The following RASA3 variants were observed in gnomAD, a reference collection of about 807,000 sequenced individuals.
RASA3 encodes the protein ras GTPase-activating protein 3.
Under a neutral mutation model 110.0 loss-of-function variants are expected in RASA3, and 73 were observed. The observed-to-expected ratio is 0.66, with a 90% confidence interval of 0.55 to 0.81. The LOEUF (loss-of-function observed/expected upper bound fraction) is 0.81, where lower values mean the gene tolerates loss of function less well. Ranked by LOEUF, RASA3 falls within the 30% of genes least tolerant of loss-of-function variation. The probability of loss-of-function intolerance (pLI) is 0.00; values close to 1 mark genes in which losing one functional copy is unlikely to be tolerated. For missense variants in RASA3, 976 were observed against 1,113.2 expected, an observed-to-expected ratio of 0.88 and a Z score of 1.75; for synonymous variants, 500 against 451.4, an observed-to-expected ratio of 1.11 and a Z score of -1.37.
chr13:114,036,306 G>GC (rs1765173059), intron 4 of RASA3: 1 of 152,308 alleles, frequency 6.6e-6, no homozygotes, highest in South Asian at 2.1e-4. Context: ...CCAGAAGGAA[G>GC]CAAGAAAGGT....
chr13:114,030,266 C>A (rs1037507580), intron 4 of RASA3, among the ~76,000 whole-genome samples: 4 of 152,248 alleles, frequency 2.6e-5, no homozygotes, highest in African/African-American at 9.6e-5. Context: ...AGGGGAAGCA[C>A]AGCTGTCTCC....
rs558820416 is a variant in RASA3, at chr13:114,030,503, G to A, written c.373-616C>T. 2.6e-3 allele frequency among the ~76,000 whole-genome samples: 281 copies of A among 107,076 alleles called. 11 individuals carry two copies. Among genetic ancestry groups the A allele is most frequent in the African/African-American group, 8.6e-3 (263 of 30,456 alleles). 70.2% of individuals were successfully genotyped at this position (107,076 alleles called of 152,430 possible). A position where few individuals can be genotyped will look rare whatever the true frequency, so the allele number is the denominator to read the frequency against. On this transcript the variant is annotated intron_variant, in intron 4 of 23. Coordinates refer to ENST00000334062, the MANE Select transcript of RASA3 (RefSeq NM_007368.4). ...ACAGAGGGCAAGACTCACACAGAGG[G>A]CAAGACTCACACAGAGAGCAAGACT...
At chr13:114,055,790 C>CTG (rs1362563129) in intron 2 of RASA3, among the ~76,000 whole-genome samples, 41 of 151,846 alleles carry the variant, frequency 2.7e-4, no homozygotes, top group Admixed American at 6.6e-4. Context: ...TCACTTCCTG[C>CTG]TCCAGAGTGG....
At chr13:114,117,052 T>C (rs1479823533) in intron 1 of RASA3, among the ~76,000 whole-genome samples, 1 of 115,200 alleles carries the variant, frequency 8.7e-6, no homozygotes, top group African/African-American at 3.6e-5. Context: ...TGCACGTGTG[T>C]GAGGGGTGCA....
Position 114,057,084 on chromosome 13 carries a change from G to C in RASA3, c.174-4929C>G, listed in dbSNP as rs956757510. The C allele has an allele frequency of 5.1e-6, 3 of 584,336 alleles. No individual in the cohort carries two copies. Among genetic ancestry groups the C allele is most frequent in the Non-Finnish European group, 6.5e-6 (3 of 463,960 alleles). 36.2% of individuals were successfully genotyped at this position (584,336 alleles called of 1,614,324 possible). A position where few individuals can be genotyped will look rare whatever the true frequency, so the allele number is the denominator to read the frequency against. ...TTACACATTTGCAGCTGAGAACCCT[G>C]GAGCCAGAACAGGCTCCAGCACAGG... On this transcript the variant is annotated intron_variant, in intron 2 of 23. Transcript: ENST00000334062. This position sits in a 1 kb window ranked among gnomAD's most constrained non-coding sequence, Gnocchi z 5.0.
intron 1 of RASA3, among the ~76,000 whole-genome samples, chr13:114,076,138 G>A (rs561409871): frequency 6.6e-6 from 1 of 152,296 alleles, no homozygotes; most frequent in South Asian, 2.1e-4. Flanking sequence ...TACCTCTCTG[G>A]GCCTCAAAGT....
At chr13:114,111,122 GAGTT>G (rs2080214295) in intron 1 of RASA3, among the ~76,000 whole-genome samples, 1 of 105,366 alleles carries the variant, frequency 9.5e-6, no homozygotes, top group Non-Finnish European at 2.0e-5. Flanking sequence ...GCTGCAGGCC[GAGTT>G]CTAACGGGCT....
rs563102723 is a variant in RASA3, at chr13:114,011,729, C to T, written c.1513-481G>A. 6.6e-6 allele frequency among the ~76,000 whole-genome samples: 1 copy of T among 152,142 alleles called. No homozygotes were observed. The highest frequency in any genetic ancestry group is 2.4e-5 in the African/African-American group (1 of 41,494). ...CTTGAGGTCAGGAGTTCGAGACCAGCCTGGCCAACATGGTAAAACCCCATC... is the reference window on the plus strand; with the variant it reads ...CTTGAGGTCAGGAGTTCGAGACCAGTCTGGCCAACATGGTAAAACCCCATC... On this transcript the variant is annotated intron_variant, in intron 15 of 23. Coordinates refer to ENST00000334062, the MANE Select transcript of RASA3 (RefSeq NM_007368.4). This position sits in a 1 kb window ranked among gnomAD's most constrained non-coding sequence, Gnocchi z 4.8.
At chr13:114,062,235 A>G (rs940600110) in intron 2 of RASA3, among the ~76,000 whole-genome samples, 1 of 152,156 alleles carries the variant, frequency 6.6e-6, no homozygotes, top group Non-Finnish European at 1.5e-5. Flanking sequence ...GCTTTAAAAA[A>G]AACACATGCA....
At chr13:114,025,790 C>G (rs575605654) in intron 7 of RASA3, among the ~76,000 whole-genome samples, 1 of 152,346 alleles carries the variant, frequency 6.6e-6, no homozygotes, top group Non-Finnish European at 1.5e-5. Flanking sequence ...AGAAACGGAA[C>G]ATCTGTTTTC....
At chr13:114,077,135 C>A (rs2079697735) in intron 1 of RASA3, among the ~76,000 whole-genome samples, 1 of 152,192 alleles carries the variant, frequency 6.6e-6, no homozygotes, top group African/African-American at 2.4e-5. Context: ...TCCCACAGGG[C>A]CTCAAATCAC....
At position 114,132,582 on chromosome 13, in the gene RASA3, C is replaced by G. The variant is rs369817050; in HGVS notation, c.-93G>C. 58 of 1,098,098 alleles carry G rather than the reference C, an allele frequency of 5.3e-5. No homozygotes were observed. In the South Asian group the frequency reaches 1.8e-3, roughly 34 times the overall value. The allele number at this position is 1,098,098 out of a possible 1,614,324, so 68.0% of individuals were successfully genotyped here. A position where few individuals can be genotyped will look rare whatever the true frequency, so the allele number is the denominator to read the frequency against. The stretch of plus-strand genomic sequence containing the variant: ...AGGAGGAGCGGCGGCGCCGGAGCCC[C>G]GAGCGCGGCCGAGGGTCCGCCCGCC... On this transcript the variant is annotated 5_prime_UTR_variant, in exon 1 of 24. Coordinates refer to ENST00000334062, the MANE Select transcript of RASA3 (RefSeq NM_007368.4).
chr13:114,017,317 C>G lies in RASA3; in HGVS notation c.1126G>C (p.Ala376Pro), dbSNP rs1478691379. Residue 376 changes from alanine (A) to proline (P), a missense_variant, in exon 12 of 24, where the codon GCG (alanine) becomes CCG (proline). By Grantham distance (27) the Ala-to-Pro change is conservative. Coordinates refer to ENST00000334062, the MANE Select transcript of RASA3 (RefSeq NM_007368.4). ...ATGGTCTCGTCGATGCACTTGGACG[C>G]CAGTGAGTTTCCTCGGAAGATGGTG... ...PNTIFRGNSL[A>P]SKCIDETMKL... 1 of 1,613,892 alleles carries G rather than the reference C, an allele frequency of 6.2e-7. No homozygotes were observed. Among genetic ancestry groups the G allele is most frequent in the African/African-American group, 1.3e-5 (1 of 74,936 alleles).
chr13:113,999,496 G>T, intron 20 of RASA3, 89 bp downstream of exon 20: 2 of 1,046,722 alleles, frequency 1.9e-6, no homozygotes, highest in Admixed American at 1.8e-5. Flanking sequence ...GGTGGGGAAG[G>T]GTGAGCCCAG....
At chr13:114,012,675 A>G (rs1353800631) in intron 15 of RASA3, among the ~76,000 whole-genome samples, 1 of 92,284 alleles carries the variant, frequency 1.1e-5, no homozygotes, top group Non-Finnish European at 2.3e-5. Flanking sequence ...CTCCCCACAC[A>G]CTGTCCACGC....
chr13:114,017,696 G>A (rs548417480), intron 11 of RASA3, among the ~76,000 whole-genome samples: 6 of 152,254 alleles, frequency 3.9e-5, no homozygotes, highest in African/African-American at 1.4e-4. Flanking sequence ...AGGGCCAGCA[G>A]AGAAGCAAAC....
intron 20 of RASA3, among the ~76,000 whole-genome samples, chr13:113,998,211 TC>T (rs2053299692): frequency 6.6e-6 from 1 of 152,078 alleles, no homozygotes; most frequent in African/African-American, 2.4e-5. Context: ...GTTCCGGCCA[TC>T]CCCCTCAGTC....
At chr13:114,013,726 G>C (rs551154350) in intron 14 of RASA3, among the ~76,000 whole-genome samples, 17 of 34,650 alleles carry the variant, frequency 4.9e-4, no homozygotes, top group African/African-American at 6.6e-4. Context: ...CTCTCTCTCC[G>C]TCCGTCTGTC....
At chr13:114,078,539 C>T (rs568451122) in intron 1 of RASA3, among the ~76,000 whole-genome samples, 88 of 152,310 alleles carry the variant, frequency 5.8e-4, no homozygotes, top group African/African-American at 1.9e-3. Context: ...GTTCACCAGC[C>T]GGCAGACTGA....
Sources: allele counts gnomAD v4.1 joint callset (sites outside exome capture counted in the v4.1 genomes callset), GRCh38; gene constraint gnomAD v4.1.1; non-coding constraint Gnocchi (gnomAD v3.1); transcripts MANE v1.5; gene names NCBI Gene and HGNC (gene_info 2026-07-23, HGNC 2026-07-21).